Variants in CDR2 observed in about 807,000 individuals in gnomAD.
The protein encoded by CDR2 is cerebellar degeneration related protein 2.
CDR2 carries 34 observed loss-of-function variants against 48.4 expected under a neutral mutation model. The observed-to-expected ratio is 0.70, with a 90% CI of 0.53 to 0.94. The LOEUF (loss-of-function observed/expected upper bound fraction) is 0.94, where lower values mean the gene tolerates loss of function less well. Ranked by LOEUF, CDR2 falls within the 40% of genes least tolerant of loss-of-function variation. The probability of loss-of-function intolerance (pLI) is 0.00; values close to 1 mark genes in which losing one functional copy is unlikely to be tolerated. For synonymous variants in CDR2, 240 were observed against 219.7 expected (o/e 1.09, Z -0.82); for missense variants, 498 against 549.5 (o/e 0.91, Z 0.94).
At chr16:22,371,517 G>A (rs1215573357) in intron 1 of CDR2, among the ~76,000 whole-genome samples, 1 of 152,192 alleles carries the variant, frequency 6.6e-6, no homozygotes. Flanking sequence ...ACTCATGTGG[G>A]GAGGTGCTGT....
intron 2 of CDR2, among the ~76,000 whole-genome samples, chr16:22,354,442 C>T (rs1279746605): frequency 2.0e-5 from 3 of 152,152 alleles, no homozygotes; most frequent in Non-Finnish European, 4.4e-5. Flanking sequence ...ATCATCATAA[C>T]GCTTCACTTT....
intron 1 of CDR2, 25 bp downstream of exon 1, chr16:22,374,206 G>A (rs1194120142): frequency 5.2e-6 from 8 of 1,529,952 alleles, no homozygotes; most frequent in Non-Finnish European, 2.7e-6. Flanking sequence ...GCCGCCGCCC[G>A]CCCGCGGGGC....
At chr16:22,356,681 A>G (rs1355111506) in intron 2 of CDR2, among the ~76,000 whole-genome samples, 3 of 152,116 alleles carry the variant, frequency 2.0e-5, no homozygotes, top group Admixed American at 6.5e-5. Flanking sequence ...TGAACCCAGG[A>G]GGTGGAGGTT....
chr16:22,358,258 T>TG (rs750518511), intron 2 of CDR2, among the ~76,000 whole-genome samples: 3 of 152,114 alleles, frequency 2.0e-5, no homozygotes, highest in Non-Finnish European at 2.9e-5. Flanking sequence ...CCAATGAATC[T>TG]GACTGCCATA....
intron 4 of CDR2, 156 bp downstream of exon 4, chr16:22,349,123 G>T: frequency 1.4e-6 from 1 of 723,026 alleles, no homozygotes; most frequent in Non-Finnish European, 2.3e-6. Context: ...TAAGAACTCT[G>T]TAATTTATAT....
At chr16:22,350,032 T>C (rs2048932245) in intron 2 of CDR2, among the ~76,000 whole-genome samples, 183 bp from the exon 3 acceptor site, 1 of 151,762 alleles carries the variant, frequency 6.6e-6, no homozygotes, top group Non-Finnish European at 1.5e-5. Context: ...CCACTAAAAA[T>C]ACAAAAATTA....
In CDR2 at chr16:22,347,576, C is replaced by T; in HGVS notation, c.754G>A (p.Ala252Thr). The T allele has an allele frequency of 6.2e-7, 1 of 1,614,166 alleles. No homozygotes were observed. The highest frequency in any genetic ancestry group is 8.5e-7 in the Non-Finnish European group (1 of 1,180,048). The change falls in exon 5 of 5, where the codon GCC (alanine) becomes ACC (threonine). Residue 252 changes from alanine to threonine, a missense_variant. Transcript: ENST00000268383. ...ATCTGTCGCATCTCTGCCACCTCGG[C>T]CTCTAGTTCCAGCGCCCGTGCTCGG... Reference protein sequence around the residue: ...AYRARALELEAEVAEMRQMLQ... With the variant: ...AYRARALELETEVAEMRQMLQ...
intron 1 of CDR2, among the ~76,000 whole-genome samples, chr16:22,368,536 G>A (rs567520650): frequency 2.0e-5 from 3 of 152,286 alleles, no homozygotes; most frequent in South Asian, 2.1e-4. Flanking sequence ...AGAGACATTA[G>A]TCTTTATATC....
At chr16:22,374,153 A>G in intron 1 of CDR2, 78 bp downstream of exon 1, 7 of 961,686 alleles carry the variant, frequency 7.3e-6, no homozygotes, top group Non-Finnish European at 9.5e-6. Context: ...CGCCACAAAA[A>G]GCAACTTTTT....
In CDR2 at chr16:22,347,387, G is replaced by A. The variant is rs2048913431; in HGVS notation, c.943C>T (p.Leu315Phe). 8 of 1,614,206 alleles carry A rather than the reference G, an allele frequency of 5.0e-6. No individual in the cohort carries two copies. The highest frequency in any genetic ancestry group is 6.8e-6 in the Non-Finnish European group (8 of 1,180,038). ...PLKRSSSETI[L>F]SSLAGSDIVK... The stretch of plus-strand genomic sequence containing the variant: ...ATGTCACTCCCTGCCAAGCTGCTGA[G>A]GATCGTCTCACTGCTGCTGCGCTTG... The change falls in exon 5 of 5, where the codon CTC becomes TTC. Residue 315 changes from leucine (L) to phenylalanine (F), a missense_variant. By Grantham distance (22) the Leu-to-Phe change is conservative. Transcript: ENST00000268383.
At chr16:22,358,099 T>C (rs2048986842) in intron 2 of CDR2, among the ~76,000 whole-genome samples, 1 of 152,078 alleles carries the variant, frequency 6.6e-6, no homozygotes, top group African/African-American at 2.4e-5. Flanking sequence ...AAGTACGTAC[T>C]GATGTAAGGC....
At chr16:22,367,292 T>C in intron 1 of CDR2, 1 of 152,260 alleles carries the variant, frequency 6.6e-6, no homozygotes, top group East Asian at 1.9e-4. Flanking sequence ...CCTCCCAAAA[T>C]GTTGGGATTA....
intron 2 of CDR2, among the ~76,000 whole-genome samples, chr16:22,359,493 C>T (rs1240409555): frequency 6.6e-6 from 1 of 152,100 alleles, no homozygotes; most frequent in East Asian, 1.9e-4. Context: ...ATATATGCTT[C>T]CATAATCTCA....
chr16:22,363,895 A>G (rs1008791949), intron 2 of CDR2, among the ~76,000 whole-genome samples: 2 of 152,162 alleles, frequency 1.3e-5, no homozygotes, highest in African/African-American at 2.4e-5. Flanking sequence ...CTAGTCTAGC[A>G]TCTTTCATTT....
rs374733638 is a variant in CDR2 at position 22,349,347 on chromosome 16, C to T, written c.438G>A (p.Pro146=). The T allele has an allele frequency of 4.6e-5, 75 of 1,614,040 alleles. No homozygotes were observed. The highest frequency in any genetic ancestry group is 5.6e-5 in the Non-Finnish European group (66 of 1,180,030). The change falls in exon 4 of 5, where the codon CCG becomes CCA. Residue 146 remains proline (P), a synonymous_variant. Transcript: ENST00000268383. ...LKSSGQGRRS[P]GKCDQEKPAP... Reference sequence around the variant, plus strand: ...CCGGTTTCTCCTGGTCACACTTTCCCGGGCTCCTTCTCCCTTGGCCAGATG... The same window carrying T: ...CCGGTTTCTCCTGGTCACACTTTCCTGGGCTCCTTCTCCCTTGGCCAGATG...
At chr16:22,363,761 G>C (rs1351850065) in intron 2 of CDR2, among the ~76,000 whole-genome samples, 3 of 152,138 alleles carry the variant, frequency 2.0e-5, no homozygotes, top group Admixed American at 2.0e-4. Flanking sequence ...ATGGAGAAAG[G>C]TGTTCTGATG....
rs188556354 is a variant in CDR2 at position 22,364,319 on chromosome 16, T to C, written c.192+583A>G. On this transcript the variant is annotated intron_variant, in intron 2 of 4. Coordinates refer to ENST00000268383, the MANE Select transcript of CDR2 (RefSeq NM_001802.2). ...ATCACAGCAGAGAGAAAGCAACATG[T>C]ATTTTATGATTATTTGAATGGAGCA... Among the ~76,000 whole-genome samples the C allele has an allele frequency of 4.5e-4, 69 of 152,282 alleles. 1 individual carries two copies. Among genetic ancestry groups the C allele is most frequent in the Non-Finnish European group, 8.2e-4 (56 of 68,024 alleles).
At chr16:22,349,258 C>T in intron 4 of CDR2, 21 bp downstream of exon 4, 1 of 1,613,606 alleles carries the variant, frequency 6.2e-7, no homozygotes, top group Non-Finnish European at 8.5e-7. Context: ...GCTGTAACTC[C>T]ACAGAAAGGC....
chr16:22,362,774 GA>G (rs1441395187), intron 2 of CDR2, among the ~76,000 whole-genome samples: 1 of 152,180 alleles, frequency 6.6e-6, no homozygotes, highest in African/African-American at 2.4e-5. Context: ...TTAGACTAGA[GA>G]CACGGTCTCA....
Sources: allele counts gnomAD v4.1 joint callset (sites outside exome capture counted in the v4.1 genomes callset), GRCh38; gene constraint gnomAD v4.1.1; transcripts MANE v1.5; gene names NCBI Gene and HGNC (gene_info 2026-07-23, HGNC 2026-07-21).